PRDM2: variants seen among roughly 807,000 people sequenced by gnomAD.
PRDM2 encodes the protein PR domain zinc finger protein 2.
PRDM2 carries 30 observed loss-of-function variants against 130.0 expected under a neutral mutation model. The ratio of observed to expected loss-of-function variants is 0.23; its 90% confidence interval spans 0.17 to 0.31. The LOEUF (loss-of-function observed/expected upper bound fraction) is 0.31, where lower values mean the gene tolerates loss of function less well. Among genes scored for constraint, PRDM2 ranks in the 10% least tolerant of loss-of-function variants. The probability of loss-of-function intolerance (pLI) is 1.00; values close to 1 mark genes in which losing one functional copy is unlikely to be tolerated. For synonymous variants in PRDM2, 871 were observed against 782.4 expected, an observed-to-expected ratio of 1.11 and a Z score of -1.89; for missense variants, 2,011 against 2,108.4, an observed-to-expected ratio of 0.95 and a Z score of 0.90.
chr1:13,712,747 G>A (rs1360800841), intron 1 of PRDM2, among the ~76,000 whole-genome samples: 4 of 152,178 alleles, frequency 2.6e-5, no homozygotes, highest in Non-Finnish European at 4.4e-5. Flanking sequence ...GCGACAGAGC[G>A]AGACTCCGTC....
At chr1:13,793,959 C>T (rs1439293185) in intron 8 of PRDM2, among the ~76,000 whole-genome samples, 1 of 152,200 alleles carries the variant, frequency 6.6e-6, no homozygotes, top group Non-Finnish European at 1.5e-5. Context: ...CTCCTGGGAT[C>T]CCTGGAGCCT....
rs369010172 is a variant in PRDM2 at position 13,778,641 on chromosome 1, A to AGATGAT, written c.858_863dup (p.Asp286_Asp287dup). 11 of 1,549,314 alleles carry AGATGAT rather than the reference A, an allele frequency of 7.1e-6. No homozygotes were observed. Among genetic ancestry groups the AGATGAT allele is most frequent in the African/African-American group, 2.7e-5 (2 of 73,800 alleles). ...AGGAGGAGGATGAAGAAGAAGAAGA[A>AGATGAT]GATGATGATGATGATGAGTTGGAAG... On this transcript the variant is annotated inframe_insertion, in exon 8 of 10. Coordinates refer to ENST00000311066, the MANE Select transcript of PRDM2 (RefSeq NM_001393986.1).
chr1:13,741,459 C>CACAATGCG (rs1643434572), intron 4 of PRDM2, among the ~76,000 whole-genome samples: 1 of 152,160 alleles, frequency 6.6e-6, no homozygotes, highest in Non-Finnish European at 1.5e-5. Context: ...GTGCCTGGTT[C>CACAATGCG]ACAATGCGTG....
intron 8 of PRDM2, among the ~76,000 whole-genome samples, chr1:13,809,972 A>G (rs1358373231): frequency 6.6e-6 from 1 of 152,096 alleles, no homozygotes; most frequent in Non-Finnish European, 1.5e-5. Context: ...GTGTCCTCAC[A>G]TGACCTTTTT....
intron 8 of PRDM2, among the ~76,000 whole-genome samples, chr1:13,788,312 C>G (rs1644781559): frequency 6.6e-6 from 1 of 152,208 alleles, no homozygotes. Flanking sequence ...CGAGAAGTAC[C>G]TTGTGAACTC....
chr1:13,745,673 C>T (rs1469746742), intron 5 of PRDM2, among the ~76,000 whole-genome samples: 3 of 152,186 alleles, frequency 2.0e-5, no homozygotes, highest in African/African-American at 4.8e-5. Flanking sequence ...CTGCCCACCT[C>T]GGCCTCCCAA....
chr1:13,814,285 A>G (rs1007991232), intron 8 of PRDM2, among the ~76,000 whole-genome samples: 2 of 151,818 alleles, frequency 1.3e-5, no homozygotes, highest in African/African-American at 4.8e-5. Context: ...TTCCTCCTTA[A>G]CTCTTGCACA....
rs1203521494 is a variant in PRDM2, at chr1:13,706,140, T to C, written c.-66+5840T>C. Among the ~76,000 whole-genome samples, 3 of 152,162 alleles carry C rather than the reference T, an allele frequency of 2.0e-5. No homozygotes were observed. The South Asian group carries it at 6.2e-4, about 32-fold the overall frequency. ...TCATCTTTGCCATTTCTTTTTTACC[T>C]CCTGTTCAGTTAGCTAACATTCTGC... On this transcript the variant is annotated intron_variant, in intron 1 of 9. Transcript: ENST00000311066.
At chr1:13,787,669 T>C (rs1267954765) in intron 8 of PRDM2, 1 of 979,502 alleles carries the variant, frequency 1.0e-6, no homozygotes, top group Non-Finnish European at 1.2e-6. Context: ...TTAAATTGTT[T>C]TGGACGCTTC....
chr1:13,734,668 T>C (rs753920963), intron 4 of PRDM2, among the ~76,000 whole-genome samples: 8 of 152,178 alleles, frequency 5.3e-5, no homozygotes, highest in Non-Finnish European at 7.4e-5. Flanking sequence ...TGTAAGATAC[T>C]TCTTATATAC....
intron 1 of PRDM2, among the ~76,000 whole-genome samples, chr1:13,703,068 G>GGGT (rs1642114720): frequency 6.6e-6 from 1 of 152,208 alleles, no homozygotes; most frequent in African/African-American, 2.4e-5. Context: ...TAGAGGCCTG[G>GGGT]GGTGGTGGTC....
rs759994304 is a variant in PRDM2, at chr1:13,803,696, G to A, written c.5037-12731G>A. Among the ~76,000 whole-genome samples, 22 of 152,126 alleles carry A rather than the reference G, an allele frequency of 1.4e-4. No homozygotes were observed. The highest frequency in any genetic ancestry group is 1.9e-4 in the East Asian group (1 of 5,174). ...GGCAGCAAAAGAGGCAGCCACAGCCGGGGGCTTTCCCCGCGGGCAGGTTCT... is the reference window on the plus strand; with the variant it reads ...GGCAGCAAAAGAGGCAGCCACAGCCAGGGGCTTTCCCCGCGGGCAGGTTCT... On this transcript the variant is annotated intron_variant, in intron 8 of 9. Transcript: ENST00000311066. The surrounding 1 kb of genome is among the most constrained non-coding windows in gnomAD (Gnocchi z 6.2).
intron 2 of PRDM2, chr1:13,722,946 C>A: frequency 4.4e-6 from 2 of 452,988 alleles, no homozygotes; most frequent in South Asian, 1.6e-5. Context: ...CCCATCTCGT[C>A]ACTCTCCTGC....
At chr1:13,817,965 C>G (rs1386415416) in intron 9 of PRDM2, among the ~76,000 whole-genome samples, 1 of 152,160 alleles carries the variant, frequency 6.6e-6, no homozygotes, top group Non-Finnish European at 1.5e-5. Flanking sequence ...GAGTTTACAT[C>G]TCTGTGGGAA....
intron 9 of PRDM2, 134 bp downstream of exon 9, chr1:13,816,704 GC>G: frequency 2.4e-6 from 3 of 1,238,584 alleles, no homozygotes; most frequent in Non-Finnish European, 3.3e-6. Flanking sequence ...ACGGTGCAGG[GC>G]CTCCCTCCAG....
chr1:13,718,654 A>G (rs575215491), intron 2 of PRDM2, among the ~76,000 whole-genome samples: 113 of 152,166 alleles, frequency 7.4e-4, no homozygotes, highest in Non-Finnish European at 1.4e-3. Context: ...CCTCTCAATT[A>G]GAGCCCAGCT....
intron 1 of PRDM2, among the ~76,000 whole-genome samples, chr1:13,702,138 A>G (rs544003565): frequency 2.0e-5 from 3 of 152,280 alleles, no homozygotes; most frequent in Admixed American, 6.5e-5. Context: ...CTTGGTGTGG[A>G]TATGCGTATT....
chr1:13,809,672 G>A lies in PRDM2; in HGVS notation c.5037-6755G>A, dbSNP rs149584795. Among the ~76,000 whole-genome samples, 414 of 152,294 alleles carry A rather than the reference G, an allele frequency of 2.7e-3. 7 individuals are homozygous for A. The East Asian group carries it at 0.029, about 11-fold the overall frequency. On this transcript the variant is annotated intron_variant, in intron 8 of 9. Transcript: ENST00000311066. ...GTGAGTCATCTGTGTGAGGCTGGCCGTGGACGCCAAAGCCACGGATGCATC... is the reference window on the plus strand; with the variant it reads ...GTGAGTCATCTGTGTGAGGCTGGCCATGGACGCCAAAGCCACGGATGCATC...
At chr1:13,777,635 ACC>A (rs70984283) in intron 7 of PRDM2, among the ~76,000 whole-genome samples, 539 of 17,758 alleles carry the variant, frequency 0.03, 17 homozygotes, top group Admixed American at 0.081. Flanking sequence ...TCCTCCTCCC[ACC>A]CCCCCCCCCA....
Sources: gnomAD v4.1 joint callset for allele counts (sites outside exome capture counted in the v4.1 genomes callset) on GRCh38, gnomAD v4.1.1 for gene constraint, Gnocchi (gnomAD v3.1) non-coding constraint, MANE v1.5 for transcripts, NCBI Gene and HGNC (gene_info 2026-07-23, HGNC 2026-07-21) for gene names.